TMEM61: variants seen among roughly 807,000 people sequenced by gnomAD.
The protein encoded by TMEM61 is transmembrane protein 61.
TMEM61 carries 13 observed loss-of-function variants against 12.0 expected under a neutral mutation model. That is an observed-to-expected ratio of 1.08 (90% CI 0.70 to 1.72). The LOEUF is 1.72. Among genes scored for constraint, TMEM61 ranks in the 40% most tolerant of loss-of-function variants. The probability of loss-of-function intolerance (pLI) is 0.00; values close to 1 mark genes in which losing one functional copy is unlikely to be tolerated. For synonymous variants in TMEM61, 109 were observed against 121.4 expected, an observed-to-expected ratio of 0.90 and a Z score of 0.67; for missense variants, 249 against 276.9, an observed-to-expected ratio of 0.90 and a Z score of 0.71.
At chr1:54,982,697 A>G (rs1197310037) in intron 1 of TMEM61, among the ~76,000 whole-genome samples, 2 of 152,228 alleles carry the variant, frequency 1.3e-5, no homozygotes, top group Non-Finnish European at 1.5e-5. Flanking sequence ...AAAGACAAGT[A>G]CATCTATTTG....
chr1:54,990,649 T>C (rs1644291552), intron 2 of TMEM61, among the ~76,000 whole-genome samples: 1 of 152,118 alleles, frequency 6.6e-6, no homozygotes, highest in African/African-American at 2.4e-5. Context: ...TGACTCAGCC[T>C]CTCTCAGCCT....
At chr1:54,989,434 G>C (rs544020873) in intron 2 of TMEM61, among the ~76,000 whole-genome samples, 1 of 152,350 alleles carries the variant, frequency 6.6e-6, no homozygotes, top group East Asian at 1.9e-4. Flanking sequence ...AAAGGCAGTG[G>C]AGCTGGTGCC....
intron 1 of TMEM61, among the ~76,000 whole-genome samples, chr1:54,982,605 T>C (rs1402663829): frequency 6.6e-6 from 1 of 152,148 alleles, no homozygotes; most frequent in Admixed American, 6.5e-5. Flanking sequence ...AAAGGGCAGT[T>C]GCAGGGGCTA....
At chr1:54,988,649 T>C (rs919302409) in intron 2 of TMEM61, among the ~76,000 whole-genome samples, 11 of 152,252 alleles carry the variant, frequency 7.2e-5, no homozygotes, top group African/African-American at 2.2e-4. Flanking sequence ...CCTGGGCTGA[T>C]GGCTTGGGCA....
Position 54,980,987 on chromosome 1 carries a change from C to T in TMEM61, c.-79C>T. The T allele has an allele frequency of 2.0e-6, 3 of 1,470,752 alleles. No homozygotes were observed. The highest frequency in any genetic ancestry group is 2.7e-6 in the Non-Finnish European group (3 of 1,096,388). 91.1% of individuals were successfully genotyped at this position (1,470,752 alleles called of 1,614,324 possible). On this transcript the variant is annotated 5_prime_UTR_variant, in exon 1 of 3. Transcript: ENST00000371268. ...GTCGCCGCTGGTAGGGTCGCTCAGC[C>T]CTGGCGTCCTCCACCACCACACCTT...
rs777163589 is a variant in TMEM61 at position 54,991,820 on chromosome 1, T to C, written c.366-16T>C. On this transcript the variant is annotated splice_polypyrimidine_tract_variant and intron_variant, in intron 2 of 2. Coordinates refer to ENST00000371268, the MANE Select transcript of TMEM61 (RefSeq NM_182532.3). The stretch of plus-strand genomic sequence containing the variant: ...TGCCCCAGCCCCTGCTAACAGCCTC[T>C]CTTCTGTTCCTGCAGGACCCCCAAA... 2 of 1,612,038 alleles carry C rather than the reference T, an allele frequency of 1.2e-6. No individual in the cohort carries two copies. The highest frequency in any genetic ancestry group is 3.3e-5 in the Admixed American group (2 of 59,914).
At chr1:54,984,894 C>T (rs1004455250) in intron 1 of TMEM61, among the ~76,000 whole-genome samples, 6 of 152,198 alleles carry the variant, frequency 3.9e-5, no homozygotes, top group African/African-American at 7.2e-5. Flanking sequence ...TTGGGGACAA[C>T]TCAGACCTAG....
chr1:54,987,573 A>G (rs925518411), intron 2 of TMEM61, among the ~76,000 whole-genome samples: 1 of 152,232 alleles, frequency 6.6e-6, no homozygotes, highest in African/African-American at 2.4e-5. Context: ...TTGAGAATGC[A>G]TGTATTATGC....
At chr1:54,990,534 C>T (rs1274789939) in intron 2 of TMEM61, among the ~76,000 whole-genome samples, 3 of 151,650 alleles carry the variant, frequency 2.0e-5, no homozygotes, top group South Asian at 4.1e-4. Context: ...TCTTCTGTTC[C>T]CCAGACTGGC....
chr1:54,984,002 A>G (rs1306740048), intron 1 of TMEM61, among the ~76,000 whole-genome samples: 3 of 151,898 alleles, frequency 2.0e-5, no homozygotes, highest in Non-Finnish European at 4.4e-5. Context: ...ATTGAGGTCC[A>G]CTCCCAGAGC....
intron 2 of TMEM61, 59 bp from the exon 3 acceptor site, chr1:54,991,777 C>G: frequency 6.4e-7 from 1 of 1,568,088 alleles, no homozygotes; most frequent in Admixed American, 1.8e-5. Flanking sequence ...CACTGTCTCT[C>G]TGGCAGGCAG....
At chr1:54,989,376 G>A (rs770492916) in intron 2 of TMEM61, among the ~76,000 whole-genome samples, 48 of 152,218 alleles carry the variant, frequency 3.2e-4, no homozygotes, top group Admixed American at 1.3e-4. Context: ...TGGGCAAATT[G>A]TATTTCATCC....
intron 2 of TMEM61, among the ~76,000 whole-genome samples, chr1:54,988,872 C>T (rs1644277431): frequency 6.6e-6 from 1 of 152,180 alleles, no homozygotes; most frequent in Admixed American, 6.5e-5. Flanking sequence ...GATGTGGGGC[C>T]TCCAGTAGTC....
chr1:54,988,260 AG>A (rs1184373962), intron 2 of TMEM61, among the ~76,000 whole-genome samples: 3 of 152,330 alleles, frequency 2.0e-5, no homozygotes, highest in African/African-American at 7.2e-5. Context: ...GCGTGAGTGC[AG>A]GGGGTGGGTG....
At chr1:54,981,280 TC>T (rs1644219322) in intron 1 of TMEM61, among the ~76,000 whole-genome samples, 200 bp downstream of exon 1, 1 of 152,116 alleles carries the variant, frequency 6.6e-6, no homozygotes. Context: ...AAGAACAAAT[TC>T]TTGTTCGGAC....
intron 2 of TMEM61, among the ~76,000 whole-genome samples, chr1:54,988,578 C>T (rs1017798444): frequency 2.0e-5 from 3 of 152,228 alleles, no homozygotes; most frequent in Non-Finnish European, 4.4e-5. Context: ...TTCCTGCTCC[C>T]AGGCACCTCA....
chr1:54,987,996 C>A (rs910600386), intron 2 of TMEM61, among the ~76,000 whole-genome samples: 2 of 152,242 alleles, frequency 1.3e-5, no homozygotes, highest in African/African-American at 4.8e-5. Context: ...GGTTCTGCAT[C>A]CATGATTCAA....
At chr1:54,984,741 G>C (rs1011320305) in intron 1 of TMEM61, among the ~76,000 whole-genome samples, 1 of 152,178 alleles carries the variant, frequency 6.6e-6, no homozygotes, top group African/African-American at 2.4e-5. Context: ...TGGCAAAGGT[G>C]GCCCAGGGCA....
intron 1 of TMEM61, among the ~76,000 whole-genome samples, chr1:54,981,801 AG>A (rs1644224934): frequency 6.6e-6 from 1 of 152,150 alleles, no homozygotes; most frequent in Non-Finnish European, 1.5e-5. Context: ...CCCCCTTGCC[AG>A]GGGGCAGATG....
Sources: gnomAD v4.1 joint callset for allele counts (sites outside exome capture counted in the v4.1 genomes callset) on GRCh38, gnomAD v4.1.1 for gene constraint, MANE v1.5 for transcripts, NCBI Gene and HGNC (gene_info 2026-07-23, HGNC 2026-07-21) for gene names.